Variants in FBXL2 observed in about 807,000 individuals in gnomAD.
FBXL2 encodes the protein F-box/LRR-repeat protein 2.
A neutral mutation model predicts 69.2 loss-of-function variants in FBXL2; 38 were observed. That is an observed-to-expected ratio of 0.55 (90% confidence interval 0.42 to 0.72). The LOEUF (loss-of-function observed/expected upper bound fraction) is 0.72, where lower values mean the gene tolerates loss of function less well. Among genes scored for constraint, FBXL2 ranks in the 30% least tolerant of loss-of-function variants. The pLI is 0.00. For synonymous variants in FBXL2, 192 were observed against 201.3 expected, an observed-to-expected ratio of 0.95 and a Z score of 0.39; for missense variants, 354 against 520.3, an observed-to-expected ratio of 0.68 and a Z score of 3.11.
At chr3:33,317,261 C>T (rs1194745879) in intron 2 of FBXL2, among the ~76,000 whole-genome samples, 1 of 152,144 alleles carries the variant, frequency 6.6e-6, no homozygotes, top group South Asian at 2.1e-4. Flanking sequence ...AGTTCCCCTT[C>T]CCCGCCTCTC....
At chr3:33,333,057 A>G (rs909557597) in intron 2 of FBXL2, among the ~76,000 whole-genome samples, 5 of 152,196 alleles carry the variant, frequency 3.3e-5, no homozygotes, top group African/African-American at 1.2e-4. Context: ...ATCCATGGAG[A>G]CAGAAAGCAT....
chr3:33,402,072 T>A (rs1347167843), intron 12 of FBXL2, among the ~76,000 whole-genome samples: 1 of 152,218 alleles, frequency 6.6e-6, no homozygotes, highest in East Asian at 1.9e-4. Context: ...AGAACCTTTT[T>A]CTTTGTGATC....
At chr3:33,298,800 C>T (rs2035988409) in intron 2 of FBXL2, among the ~76,000 whole-genome samples, 2 of 150,170 alleles carry the variant, frequency 1.3e-5, no homozygotes, top group South Asian at 4.2e-4. Context: ...CCTTGATAGT[C>T]ATTCCCCTAA....
chr3:33,288,718 G>T (rs1404112611), intron 1 of FBXL2, among the ~76,000 whole-genome samples: 1 of 152,202 alleles, frequency 6.6e-6, no homozygotes, highest in African/African-American at 2.4e-5. Flanking sequence ...TAGGAAGTAA[G>T]ATCAAAGTAG....
chr3:33,402,224 C>T (rs1250393623), intron 12 of FBXL2, among the ~76,000 whole-genome samples: 2 of 152,174 alleles, frequency 1.3e-5, no homozygotes, highest in African/African-American at 4.8e-5. Context: ...CAAGATGCCC[C>T]AAATGCAGTC....
chr3:33,334,585 A>G (rs555830160), intron 2 of FBXL2, among the ~76,000 whole-genome samples: 3 of 152,174 alleles, frequency 2.0e-5, no homozygotes, highest in Non-Finnish European at 4.4e-5. Context: ...ATATAATTGG[A>G]GGTGCAAAAA....
At chr3:33,414,553 C>T in the FBXL2 span, among the ~76,000 whole-genome samples, 2 of 152,102 alleles carry the variant, frequency 1.3e-5, no homozygotes, top group African/African-American at 4.8e-5. Context: ...CCAAGGTTCC[C>T]CCACAAATTT....
chr3:33,284,299 C>T (rs556924435), intron 1 of FBXL2, among the ~76,000 whole-genome samples: 2 of 152,174 alleles, frequency 1.3e-5, no homozygotes, highest in African/African-American at 2.4e-5. Flanking sequence ...GCCTTCATTT[C>T]GTTATATACC....
chr3:33,320,233 G>T (rs1231159934), intron 2 of FBXL2, among the ~76,000 whole-genome samples: 1 of 152,154 alleles, frequency 6.6e-6, no homozygotes, highest in Non-Finnish European at 1.5e-5. Context: ...AAGTAAAACA[G>T]TAAGGTATTT....
intron 1 of FBXL2, among the ~76,000 whole-genome samples, chr3:33,294,286 C>T (rs139284687): frequency 8.6e-5 from 13 of 151,764 alleles, no homozygotes; most frequent in African/African-American, 2.7e-4. Context: ...TTTGTAGAGT[C>T]GGGTCTCACT....
the FBXL2 span, chr3:33,409,603 TATA>T: frequency 6.2e-7 from 1 of 1,614,212 alleles, no homozygotes; most frequent in South Asian, 1.1e-5. Context: ...GCAGTGTACC[TATA>T]AAACGATTCA....
intron 11 of FBXL2, 61 bp downstream of exon 11, chr3:33,377,394 C>A: frequency 6.5e-7 from 1 of 1,549,388 alleles, no homozygotes; most frequent in Non-Finnish European, 8.9e-7. Flanking sequence ...TTCAAAGTGA[C>A]TTGGAGTGGT....
intron 2 of FBXL2, 45 bp downstream of exon 2, chr3:33,297,770 GTCA>G: frequency 8.8e-7 from 1 of 1,135,840 alleles, no homozygotes; most frequent in Non-Finnish European, 1.3e-6. Context: ...ATCTGATTTA[GTCA>G]TCAAGTTCCA....
downstream of FBXL2, among the ~76,000 whole-genome samples, chr3:33,405,251 G>A (rs72852076): frequency 0.065 from 9,896 of 152,142 alleles, 1,076 homozygotes; most frequent in African/African-American, 0.22. Context: ...TTTAAGGGGA[G>A]TGAAATACAA....
intron 5 of FBXL2, among the ~76,000 whole-genome samples, chr3:33,366,986 T>C (rs180718782): frequency 6.6e-6 from 1 of 152,012 alleles, no homozygotes; most frequent in Admixed American, 6.6e-5. Flanking sequence ...ATTCTGGGAG[T>C]GTTTATGTAC....
intron 1 of FBXL2, among the ~76,000 whole-genome samples, chr3:33,282,536 T>C (rs1490894356): frequency 6.6e-6 from 1 of 152,216 alleles, no homozygotes; most frequent in Non-Finnish European, 1.5e-5. Context: ...GCAGGCTCTT[T>C]TTTGGTTCCA....
chr3:33,393,448 T>C, intron 12 of FBXL2: 1 of 1,588,858 alleles, frequency 6.3e-7, no homozygotes, highest in Non-Finnish European at 8.5e-7. Flanking sequence ...GTAGATTGCA[T>C]GATAAACTGA....
chr3:33,347,583 T>A (rs920097480), intron 2 of FBXL2, among the ~76,000 whole-genome samples: 3 of 152,168 alleles, frequency 2.0e-5, no homozygotes, highest in Non-Finnish European at 4.4e-5. Flanking sequence ...TTAGTTTTTT[T>A]GAGGAACCTC....
At chr3:33,337,085 G>A (rs1317505970) in intron 2 of FBXL2, among the ~76,000 whole-genome samples, 1 of 151,784 alleles carries the variant, frequency 6.6e-6, no homozygotes, top group Non-Finnish European at 1.5e-5. Flanking sequence ...TGTGCCTGTA[G>A]TCCCAGCTAC....
Sources: allele counts gnomAD v4.1 joint callset (sites outside exome capture counted in the v4.1 genomes callset), GRCh38; gene constraint gnomAD v4.1.1; transcripts MANE v1.5; gene names NCBI Gene and HGNC (gene_info 2026-07-23, HGNC 2026-07-21).